USP38: variants seen among roughly 807,000 people sequenced by gnomAD.
USP38 encodes ubiquitin specific peptidase 38.
USP38 carries 49 observed loss-of-function variants against 94.3 expected under a neutral mutation model. The ratio of observed to expected loss-of-function variants is 0.52; its 90% CI spans 0.41 to 0.66. USP38 has a LOEUF of 0.66. Among genes scored for constraint, USP38 ranks in the 30% least tolerant of loss-of-function variants. The pLI is 0.00. For synonymous variants in USP38, 468 were observed against 463.6 expected (o/e 1.01, Z -0.12); for missense variants, 1,128 against 1,229.4 (o/e 0.92, Z 1.23).
In USP38 at chr4:143,221,220, C is replaced by T. The variant is rs1457069178; in HGVS notation, c.*764C>T. ...TTGAAGGAGGTGAGTTCTGTATGTG[C>T]CTTGCAGTACTGTAATTCAAAAATA... is the stretch of plus-strand genomic sequence containing the variant. On this transcript the variant is annotated 3_prime_UTR_variant, in exon 10 of 10. Transcript: ENST00000307017. 2.8e-4 allele frequency: 42 copies of T among 152,420 alleles called. No homozygotes were observed. Among genetic ancestry groups the T allele is most frequent in the Non-Finnish European group, 1.2e-4 (8 of 67,968 alleles). The allele number at this position is 152,420 out of a possible 1,614,324, so 9.4% of individuals were successfully genotyped here.
chr4:143,191,113 G>A (rs1731385519), intron 2 of USP38, among the ~76,000 whole-genome samples: 1 of 152,034 alleles, frequency 6.6e-6, no homozygotes, highest in Non-Finnish European at 1.5e-5. Flanking sequence ...AACTGAAAGG[G>A]ATAGTGATAT....
chr4:143,220,596 A>G lies in USP38; in HGVS notation c.*140A>G, dbSNP rs1428672566. 2 of 847,044 alleles carry G rather than the reference A, an allele frequency of 2.4e-6. No homozygotes were observed. Among genetic ancestry groups the G allele is most frequent in the Non-Finnish European group, 3.2e-6 (2 of 625,086 alleles). The allele number at this position is 847,044 out of a possible 1,614,324, so 52.5% of individuals were successfully genotyped here. Reference sequence around the variant, plus strand: ...GAGAACACACTCAGTGCTTGTTTTTATTTTCTTGACACATTTATTAACAAA... The same window carrying G: ...GAGAACACACTCAGTGCTTGTTTTTGTTTTCTTGACACATTTATTAACAAA... On this transcript the variant is annotated 3_prime_UTR_variant, in exon 10 of 10. Coordinates refer to ENST00000307017, the MANE Select transcript of USP38 (RefSeq NM_032557.6).
At chr4:143,194,975 A>G (rs1422518657) in intron 2 of USP38, among the ~76,000 whole-genome samples, 2 of 151,704 alleles carry the variant, frequency 1.3e-5, no homozygotes, top group Non-Finnish European at 2.9e-5. Flanking sequence ...AAATGAAGCC[A>G]TTACAATATT....
chr4:143,191,443 G>C (rs1038640592), intron 2 of USP38, among the ~76,000 whole-genome samples: 3 of 152,190 alleles, frequency 2.0e-5, no homozygotes, highest in Non-Finnish European at 2.9e-5. Context: ...CCAGTTTTCT[G>C]TGTGAAATTT....
At chr4:143,217,970 A>G (rs1423746817) in intron 9 of USP38, among the ~76,000 whole-genome samples, 1 of 152,028 alleles carries the variant, frequency 6.6e-6, no homozygotes, top group Non-Finnish European at 1.5e-5. Context: ...CCATTGTTTT[A>G]ATGTCTGGAA....
rs78570882 is a variant in USP38 at position 143,211,339 on chromosome 4, T to A, written c.1498-979T>A. Among the ~76,000 whole-genome samples the A allele has an allele frequency of 2.2e-3, 332 of 152,028 alleles. 1 individual carries two copies. The highest frequency in any genetic ancestry group is 7.9e-3 in the African/African-American group (327 of 41,502). On this transcript the variant is annotated intron_variant, in intron 7 of 9. Coordinates refer to ENST00000307017, the MANE Select transcript of USP38 (RefSeq NM_032557.6). ...AAAACAACACTTATTGAACAGTTAC[T>A]TTTTTTTAACCCCTGGTCTAAATCT...
intron 2 of USP38, among the ~76,000 whole-genome samples, chr4:143,188,317 A>G (rs1262170365): frequency 6.6e-6 from 1 of 151,710 alleles, no homozygotes; most frequent in East Asian, 1.9e-4. Flanking sequence ...TAGTAAGTAT[A>G]TACTTTACTT....
intron 5 of USP38, 99 bp downstream of exon 5, chr4:143,203,665 A>T: frequency 1.6e-6 from 2 of 1,271,996 alleles, no homozygotes; most frequent in Non-Finnish European, 2.1e-6. Context: ...TTATGGTAAT[A>T]TGCTTTTTAT....
chr4:143,186,617 A>G (rs867805375), intron 1 of USP38, among the ~76,000 whole-genome samples: 30 of 152,248 alleles, frequency 2.0e-4, no homozygotes, highest in Middle Eastern at 3.4e-3. Flanking sequence ...ATAACTATGA[A>G]GTTTTTAAAT....
chr4:143,214,658 T>G lies in USP38; in HGVS notation c.2682T>G (p.Asp894Glu), dbSNP rs540932377. 77 of 1,613,722 alleles carry G rather than the reference T, an allele frequency of 4.8e-5. No homozygotes were observed. The highest frequency in any genetic ancestry group is 3.3e-4 in the East Asian group (15 of 44,852). ...CCCAGAGTCATTTACTAGGGAGAGA[T>G]AGTCCCAGTGCAGTTTTTGAACAGG... ...ASSQSHLLGRDSPSAVFEQDL... is the reference protein window; with the variant it reads ...ASSQSHLLGRESPSAVFEQDL... Residue 894 changes from aspartate to glutamate, a missense_variant, in exon 9 of 10, where the codon GAT becomes GAG. Transcript: ENST00000307017.
chr4:143,202,295 G>A (rs1409593993), intron 4 of USP38, among the ~76,000 whole-genome samples: 1 of 152,154 alleles, frequency 6.6e-6, no homozygotes, highest in Non-Finnish European at 1.5e-5. Context: ...CAAATGTAAA[G>A]CTAGACAGAG....
In USP38 at chr4:143,220,576, C is replaced by A; in HGVS notation, c.*120C>A. 2 of 970,734 alleles carry A rather than the reference C, an allele frequency of 2.1e-6. No homozygotes were observed. Among genetic ancestry groups the A allele is most frequent in the Non-Finnish European group, 2.8e-6 (2 of 726,570 alleles). The allele number at this position is 970,734 out of a possible 1,614,324, so 60.1% of individuals were successfully genotyped here. A position where few individuals can be genotyped will look rare whatever the true frequency, so the allele number is the denominator to read the frequency against. ...ATTAGACCCTTATACTTCAAGAGAA[C>A]ACACTCAGTGCTTGTTTTTATTTTC... On this transcript the variant is annotated 3_prime_UTR_variant, in exon 10 of 10. Coordinates refer to ENST00000307017, the MANE Select transcript of USP38 (RefSeq NM_032557.6).
intron 8 of USP38, among the ~76,000 whole-genome samples, chr4:143,213,305 A>G (rs1262914751): frequency 6.6e-6 from 1 of 152,164 alleles, no homozygotes; most frequent in African/African-American, 2.4e-5. Flanking sequence ...GATATATAAG[A>G]CAGTTAAGGG....
chr4:143,223,517 T>TA lies in USP38; in HGVS notation c.*3067dup, dbSNP rs1450820646. On this transcript the variant is annotated 3_prime_UTR_variant, in exon 10 of 10. Transcript: ENST00000307017. Reference sequence around the variant, plus strand: ...GTTCTGTTCTTTGTATGATAATCCTTAAAAAAGTAGTTGTCTTCTTTTCAC... The same window carrying TA: ...GTTCTGTTCTTTGTATGATAATCCTTAAAAAAAGTAGTTGTCTTCTTTTCAC... 2.6e-5 allele frequency: 4 copies of TA among 152,126 alleles called. No homozygotes were observed. Among genetic ancestry groups the TA allele is most frequent in the African/African-American group, 9.7e-5 (4 of 41,440 alleles). The allele number at this position is 152,126 out of a possible 1,614,324, so 9.4% of individuals were successfully genotyped here.
intron 9 of USP38, among the ~76,000 whole-genome samples, chr4:143,217,782 G>A (rs948636005): frequency 2.0e-5 from 3 of 152,096 alleles, no homozygotes; most frequent in African/African-American, 7.2e-5. Flanking sequence ...GAAAAACCCA[G>A]GCAAAAAATC....
intron 4 of USP38, among the ~76,000 whole-genome samples, chr4:143,201,009 A>G (rs1239558101): frequency 6.6e-6 from 1 of 152,228 alleles, no homozygotes; most frequent in Non-Finnish European, 1.5e-5. Context: ...CATTCTTCAC[A>G]GAACTAAAAA....
chr4:143,207,848 T>C (rs1424374979), intron 6 of USP38, among the ~76,000 whole-genome samples: 2 of 152,174 alleles, frequency 1.3e-5, no homozygotes, highest in Non-Finnish European at 2.9e-5. Flanking sequence ...GGTTATCTCT[T>C]ATTGAACAGT....
At chr4:143,204,235 C>T (rs1221981028) in intron 5 of USP38, among the ~76,000 whole-genome samples, 1 of 152,170 alleles carries the variant, frequency 6.6e-6, no homozygotes, top group Non-Finnish European at 1.5e-5. Context: ...CTGCCTTGGC[C>T]TTCCAAAGTC....
At position 143,221,893 on chromosome 4, in the gene USP38, C is replaced by T. The variant is rs891378126; in HGVS notation, c.*1437C>T. On this transcript the variant is annotated 3_prime_UTR_variant, in exon 10 of 10. Coordinates refer to ENST00000307017, the MANE Select transcript of USP38 (RefSeq NM_032557.6). ...CTCCCATTCCTAACCTGTTTCCAAT[C>T]ACCAGGAAGATTAGGAAGGCAGATT... The T allele has an allele frequency of 6.6e-6, 1 of 152,112 alleles. No homozygotes were observed. The highest frequency in any genetic ancestry group is 1.5e-5 in the Non-Finnish European group (1 of 67,974). The allele number at this position is 152,112 out of a possible 1,614,324, so 9.4% of individuals were successfully genotyped here.
Sources: gnomAD v4.1 joint callset for allele counts (sites outside exome capture counted in the v4.1 genomes callset) on GRCh38, gnomAD v4.1.1 for gene constraint, MANE v1.5 for transcripts, NCBI Gene and HGNC (gene_info 2026-07-23, HGNC 2026-07-21) for gene names.